Variants in VPS8 observed in about 807,000 individuals in gnomAD.
VPS8 encodes VPS8 subunit of CORVET complex.
A neutral mutation model predicts 216.4 loss-of-function variants in VPS8; 129 were observed. That is an observed-to-expected ratio of 0.60 (90% CI 0.52 to 0.69). The LOEUF (loss-of-function observed/expected upper bound fraction) is 0.69, where lower values mean the gene tolerates loss of function less well. VPS8 is among the 30% of genes least tolerant of loss of function. VPS8 has a pLI of 0.00. For missense variants in VPS8, 1,531 were observed against 1,683.5 expected (o/e 0.91, Z 1.59); for synonymous variants, 571 against 565.4 (o/e 1.01, Z -0.14).
intron 29 of VPS8, among the ~76,000 whole-genome samples, chr3:184,923,902 T>A (rs1008250636): frequency 6.6e-6 from 1 of 152,228 alleles, no homozygotes; most frequent in African/African-American, 2.4e-5. Context: ...TCTAACCAGT[T>A]GAATTAAAAT....
At chr3:184,832,390 T>C (rs937928569) in intron 3 of VPS8, among the ~76,000 whole-genome samples, 1 of 152,222 alleles carries the variant, frequency 6.6e-6, no homozygotes, top group African/African-American at 2.4e-5. Flanking sequence ...TGCTAAATCA[T>C]CTGTAAAAGC....
intron 14 of VPS8, among the ~76,000 whole-genome samples, chr3:184,856,423 C>G (rs2108688679): frequency 6.6e-6 from 1 of 152,292 alleles, no homozygotes; most frequent in African/African-American, 2.4e-5. Flanking sequence ...GGTAGGTATG[C>G]ATACTGGGGG....
chr3:184,831,695 T>A (rs1720016457), intron 3 of VPS8, among the ~76,000 whole-genome samples: 1 of 152,208 alleles, frequency 6.6e-6, no homozygotes, highest in African/African-American at 2.4e-5. Flanking sequence ...CTCCCATCCG[T>A]ACTCCTACTC....
chr3:184,927,376 A>G (rs1334694272), intron 31 of VPS8, among the ~76,000 whole-genome samples: 1 of 152,206 alleles, frequency 6.6e-6, no homozygotes, highest in Non-Finnish European at 1.5e-5. Context: ...ACTATCGGAT[A>G]GCAACAGTGA....
intron 31 of VPS8, among the ~76,000 whole-genome samples, chr3:184,927,860 A>G (rs1739950886): frequency 6.6e-6 from 1 of 152,206 alleles, no homozygotes; most frequent in Non-Finnish European, 1.5e-5. Context: ...ACTTGGCAGA[A>G]TGTGTTCAAG....
chr3:184,982,502 C>T (rs979162498), intron 40 of VPS8, 64 bp from the exon 41 acceptor site: 79 of 1,208,444 alleles, frequency 6.5e-5, no homozygotes, highest in Non-Finnish European at 9.3e-5. Context: ...GTTAGTTATT[C>T]TTTTGTTTTT....
At chr3:184,847,183 A>G (rs184692665) in intron 8 of VPS8, among the ~76,000 whole-genome samples, 1 of 152,338 alleles carries the variant, frequency 6.6e-6, no homozygotes, top group East Asian at 1.9e-4. Context: ...TGAAAAAAAT[A>G]GAGTATTTTC....
chr3:184,913,633 T>C (rs868276114), intron 26 of VPS8, 72 bp downstream of exon 26: 3 of 1,219,262 alleles, frequency 2.5e-6, no homozygotes, highest in Middle Eastern at 5.0e-4. Context: ...AGAGATACTA[T>C]GATCTCTTAT....
intron 34 of VPS8, among the ~76,000 whole-genome samples, 180 bp from the exon 35 acceptor site, chr3:184,936,066 A>G (rs956375490): frequency 3.3e-5 from 5 of 151,768 alleles, no homozygotes; most frequent in African/African-American, 1.2e-4. Flanking sequence ...TTTACATGGC[A>G]CATTTCTAAT....
In VPS8 at chr3:184,959,590, A is replaced by G. The variant is rs191467510; in HGVS notation, c.3183+2069A>G. Reference sequence around the variant, plus strand: ...CTCTGGAAAGCAACGTATAAAAAGTATCAGCAGTGTTTCAAACAAGTCATA... The same window carrying G: ...CTCTGGAAAGCAACGTATAAAAAGTGTCAGCAGTGTTTCAAACAAGTCATA... On this transcript the variant is annotated intron_variant, in intron 37 of 47. Coordinates refer to ENST00000625842, the MANE Select transcript of VPS8 (RefSeq NM_001009921.3). Among the ~76,000 whole-genome samples the G allele has an allele frequency of 1.1e-4, 17 of 152,338 alleles. No homozygotes were observed. The East Asian group carries it at 3.3e-3, about 29-fold the overall frequency.
intron 22 of VPS8, among the ~76,000 whole-genome samples, chr3:184,887,600 G>A (rs1483042150): frequency 6.6e-6 from 1 of 152,192 alleles, no homozygotes; most frequent in East Asian, 1.9e-4. Context: ...CACAGCTTTT[G>A]GTGGCAAAGG....
intron 19 of VPS8, 33 bp downstream of exon 19, chr3:184,869,069 G>C (rs752628794): frequency 3.1e-5 from 48 of 1,569,992 alleles, no homozygotes; most frequent in Non-Finnish European, 4.1e-5. Context: ...TAGTAGACGT[G>C]GTTCTCCTGG....
At chr3:184,889,416 T>A (rs1482429353) in intron 22 of VPS8, among the ~76,000 whole-genome samples, 1 of 152,132 alleles carries the variant, frequency 6.6e-6, no homozygotes, top group African/African-American at 2.4e-5. Flanking sequence ...TTTTCATACC[T>A]CTTTTCTTTC....
chr3:184,937,085 C>T (rs937750228), intron 35 of VPS8, among the ~76,000 whole-genome samples: 2 of 152,196 alleles, frequency 1.3e-5, no homozygotes, highest in African/African-American at 4.8e-5. Flanking sequence ...ACTTTGTCAT[C>T]CTGAAATTGT....
intron 45 of VPS8, among the ~76,000 whole-genome samples, chr3:185,013,565 G>T (rs1014494152): frequency 6.6e-6 from 1 of 152,122 alleles, no homozygotes; most frequent in African/African-American, 2.4e-5. Context: ...CTTTAATTTT[G>T]CAATAGCCGA....
chr3:184,873,152 G>C (rs1430283649), intron 21 of VPS8, among the ~76,000 whole-genome samples: 1 of 152,086 alleles, frequency 6.6e-6, no homozygotes, highest in African/African-American at 2.4e-5. Context: ...TAAGGCAGTA[G>C]GTGTCATTTT....
At chr3:184,976,071 C>T (rs1332641943) in intron 40 of VPS8, among the ~76,000 whole-genome samples, 1 of 152,028 alleles carries the variant, frequency 6.6e-6, no homozygotes, top group Non-Finnish European at 1.5e-5. Flanking sequence ...TGTTTAGCTC[C>T]CATTGTAATT....
In VPS8 at chr3:184,924,887, C is replaced by G; in HGVS notation, c.2480C>G (p.Thr827Ser). The G allele has an allele frequency of 6.2e-7, 1 of 1,612,856 alleles. No homozygotes were observed. The highest frequency in any genetic ancestry group is 1.1e-5 in the South Asian group (1 of 91,050). Residue 827 changes from threonine to serine, a missense_variant, in exon 30 of 48, where the codon ACC (threonine) becomes AGC (serine). Transcript: ENST00000625842. ...LKVMVENSDF[T>S]PSQVGCLFTF... ...GTTATGGTGGAGAATTCAGACTTTA[C>G]CCCCTCACAAGTAGGATGTCTCTTT...
intron 14 of VPS8, among the ~76,000 whole-genome samples, chr3:184,857,515 C>T (rs148445173): frequency 1.8e-3 from 270 of 152,294 alleles, no homozygotes; most frequent in Admixed American, 4.2e-3. Context: ...AAGTATCATC[C>T]CTTAACTCTC....
Sources: allele counts gnomAD v4.1 joint callset (sites outside exome capture counted in the v4.1 genomes callset), GRCh38; gene constraint gnomAD v4.1.1; transcripts MANE v1.5; gene names NCBI Gene and HGNC (gene_info 2026-07-23, HGNC 2026-07-21).